The following DNM3 variants were observed in gnomAD, a reference collection of about 807,000 sequenced individuals.
DNM3 encodes the protein dynamin 3, also known as dynamin-3.
A neutral mutation model predicts 101.6 loss-of-function variants in DNM3; 47 were observed. That is an observed-to-expected ratio of 0.46 (90% CI 0.37 to 0.59). The LOEUF (loss-of-function observed/expected upper bound fraction) is 0.59, where lower values mean the gene tolerates loss of function less well. Ranked by LOEUF, DNM3 falls within the 20% of genes least tolerant of loss-of-function variation. DNM3 has a pLI of 0.00. For synonymous variants in DNM3, 385 were observed against 387.9 expected, an observed-to-expected ratio of 0.99 and a Z score of 0.09; for missense variants, 849 against 1,085.7, an observed-to-expected ratio of 0.78 and a Z score of 3.06.
intron 14 of DNM3, among the ~76,000 whole-genome samples, chr1:172,159,919 G>C (rs542564732): frequency 6.6e-6 from 1 of 152,002 alleles, no homozygotes; most frequent in Admixed American, 6.6e-5. Context: ...AGGCTATATG[G>C]TATATAGCCC....
intron 1 of DNM3, among the ~76,000 whole-genome samples, chr1:171,878,767 T>C (rs146123251): frequency 1.3e-5 from 2 of 152,328 alleles, no homozygotes; most frequent in Non-Finnish European, 2.9e-5. Context: ...TTGGGTACTG[T>C]TGGGACCTTC....
chr1:172,408,081 G>C lies in DNM3; in HGVS notation c.*240G>C. 1.5e-6 allele frequency: 2 copies of C among 1,340,710 alleles called. No individual in the cohort carries two copies. Among genetic ancestry groups the C allele is most frequent in the Non-Finnish European group, 1.9e-6 (2 of 1,042,510 alleles). 83.1% of individuals were successfully genotyped at this position (1,340,710 alleles called of 1,614,324 possible). A position where few individuals can be genotyped will look rare whatever the true frequency, so the allele number is the denominator to read the frequency against. On this transcript the variant is annotated 3_prime_UTR_variant, in exon 21 of 21. Transcript: ENST00000627582. ...ATGTTGTACTGACCAAGGTAGGTTT[G>C]TATAGCAGCCCTATACTTTGGGGAT...
At chr1:172,138,137 A>T (rs2057352051) in intron 14 of DNM3, 1 of 152,138 alleles carries the variant, frequency 6.6e-6, no homozygotes, top group Non-Finnish European at 1.5e-5. Context: ...TGGAAGTATC[A>T]AAAATTTCAA....
intron 2 of DNM3, among the ~76,000 whole-genome samples, chr1:171,924,990 C>G (rs545418010): frequency 3.3e-4 from 50 of 151,652 alleles, no homozygotes; most frequent in African/African-American, 1.2e-3. Flanking sequence ...ACCTCTGCCT[C>G]CTGGGTTCAA....
intron 17 of DNM3, among the ~76,000 whole-genome samples, chr1:172,328,808 G>A (rs1459741525): frequency 6.6e-6 from 1 of 152,022 alleles, no homozygotes; most frequent in Non-Finnish European, 1.5e-5. Context: ...TAAACAAAAA[G>A]AAAACATTTT....
chr1:172,009,138 T>TAAA lies in DNM3; in HGVS notation c.589+19990_589+19991insAAA, dbSNP rs1216917948. On this transcript the variant is annotated intron_variant, in intron 4 of 20. Coordinates refer to ENST00000627582, the MANE Select transcript of DNM3 (RefSeq NM_015569.5). ...ATATCATATAATATATATATTTATATTATATATATTATATGATATATAATA... is the reference window on the plus strand; with the variant it reads ...ATATCATATAATATATATATTTATATAAATATATATATTATATGATATATAATA... Among the ~76,000 whole-genome samples the TAAA allele has an allele frequency of 1.4e-4, 20 of 139,222 alleles. 1 individual carries two copies. In the Admixed American group the frequency reaches 1.5e-3, roughly 10 times the overall value. 91.3% of individuals were successfully genotyped at this position (139,222 alleles called of 152,430 possible).
intron 11 of DNM3, among the ~76,000 whole-genome samples, chr1:172,070,623 T>C (rs1405966387): frequency 6.6e-6 from 1 of 152,180 alleles, no homozygotes; most frequent in Non-Finnish European, 1.5e-5. Context: ...GTTGTTAAGA[T>C]TGTGGGCTCT....
intron 13 of DNM3, among the ~76,000 whole-genome samples, chr1:172,107,980 A>G (rs2055185056): frequency 6.6e-6 from 1 of 152,014 alleles, no homozygotes; most frequent in Non-Finnish European, 1.5e-5. Context: ...GCTTATGTTG[A>G]TCAGAGCAGT....
chr1:172,374,223 C>A (rs189688712), intron 17 of DNM3, among the ~76,000 whole-genome samples: 1 of 152,024 alleles, frequency 6.6e-6, no homozygotes, highest in Non-Finnish European at 1.5e-5. Flanking sequence ...CCTAAAACAG[C>A]CTTCAGGTCT....
intron 17 of DNM3, among the ~76,000 whole-genome samples, chr1:172,342,584 C>T (rs183803238): frequency 1.3e-5 from 2 of 152,126 alleles, no homozygotes; most frequent in South Asian, 2.1e-4. Context: ...AGGAGAGAAA[C>T]AACAGACACT....
chr1:171,882,430 T>TACACACAC (rs34753464), intron 1 of DNM3, among the ~76,000 whole-genome samples: 166 of 145,428 alleles, frequency 1.1e-3, no homozygotes, highest in Middle Eastern at 7.0e-3. Context: ...TCTCTCTCTA[T>TACACACAC]ACACACACAC....
intron 13 of DNM3, among the ~76,000 whole-genome samples, chr1:172,110,823 C>A (rs2055414569): frequency 6.6e-6 from 1 of 152,132 alleles, no homozygotes; most frequent in Non-Finnish European, 1.5e-5. Context: ...ATTGCTTGAG[C>A]CCAGGAGTTG....
At chr1:171,948,926 A>G (rs1020708421) in intron 2 of DNM3, among the ~76,000 whole-genome samples, 37 of 152,214 alleles carry the variant, frequency 2.4e-4, no homozygotes, top group African/African-American at 8.9e-4. Flanking sequence ...TTGTTTAGAT[A>G]GATTGTTTAG....
intron 17 of DNM3, among the ~76,000 whole-genome samples, chr1:172,355,093 A>G (rs2067384719): frequency 6.6e-6 from 1 of 152,218 alleles, no homozygotes; most frequent in South Asian, 2.1e-4. Flanking sequence ...CGCAAGCAGA[A>G]CCAAAGCTGA....
At chr1:172,141,934 G>A (rs577873295) in intron 14 of DNM3, among the ~76,000 whole-genome samples, 135 of 152,206 alleles carry the variant, frequency 8.9e-4, no homozygotes, top group African/African-American at 2.6e-3. Context: ...TTAAGAAATT[G>A]TGGTGTTGAA....
chr1:171,989,291 A>G (rs2045481876), intron 4 of DNM3, 143 bp downstream of exon 4: 4 of 491,926 alleles, frequency 8.1e-6, no homozygotes, highest in Admixed American at 4.3e-5. Flanking sequence ...TGTATTTTAA[A>G]TAGAAAATTC....
intron 1 of DNM3, among the ~76,000 whole-genome samples, chr1:171,873,704 C>T (rs982072795): frequency 6.6e-6 from 1 of 152,156 alleles, no homozygotes; most frequent in Non-Finnish European, 1.5e-5. Context: ...GCCTGATGTT[C>T]TTAACTATTA....
intron 2 of DNM3, among the ~76,000 whole-genome samples, chr1:171,929,968 C>G (rs1215503860): frequency 1.3e-5 from 2 of 152,212 alleles, no homozygotes; most frequent in African/African-American, 2.4e-5. Context: ...CCACCCCTCC[C>G]TCTGGGAGCT....
At chr1:172,085,818 G>A (rs1038821960) in intron 12 of DNM3, among the ~76,000 whole-genome samples, 2 of 152,026 alleles carry the variant, frequency 1.3e-5, no homozygotes, top group African/African-American at 4.8e-5. Context: ...TACATTCTTA[G>A]TTTATTTTTC....
Sources: allele counts gnomAD v4.1 joint callset (sites outside exome capture counted in the v4.1 genomes callset), GRCh38; gene constraint gnomAD v4.1.1; transcripts MANE v1.5; gene names NCBI Gene and HGNC (gene_info 2026-07-23, HGNC 2026-07-21).